The following SLC1A2 variants were observed in gnomAD, a reference collection of about 807,000 sequenced individuals.
The protein encoded by SLC1A2 is excitatory amino acid transporter 2.
SLC1A2 carries 15 observed loss-of-function variants against 48.8 expected under a neutral mutation model. The observed-to-expected ratio is 0.31, with a 90% CI of 0.21 to 0.47. The LOEUF is 0.47. SLC1A2 is among the 20% of genes least tolerant of loss of function. The pLI, the probability that SLC1A2 is intolerant of heterozygous loss-of-function variation, is 0.99. For synonymous variants in SLC1A2, 279 were observed against 272.6 expected (o/e 1.02, Z -0.23); for missense variants, 502 against 730.5 (o/e 0.69, Z 3.61).
chr11:35,406,092 A>G (rs749472912), intron 1 of SLC1A2, among the ~76,000 whole-genome samples: 18 of 152,212 alleles, frequency 1.2e-4, no homozygotes, highest in Non-Finnish European at 2.5e-4. Context: ...ACAAGAAAAC[A>G]CTTAGCACAC....
intron 6 of SLC1A2, chr11:35,299,138 G>C: frequency 6.6e-6 from 1 of 152,204 alleles, no homozygotes; most frequent in Non-Finnish European, 1.5e-5. Flanking sequence ...AGGAATTCAA[G>C]ACCAGCCTGG....
intron 1 of SLC1A2, among the ~76,000 whole-genome samples, chr11:35,415,214 C>A (rs1394833341): frequency 6.6e-6 from 1 of 152,172 alleles, no homozygotes; most frequent in African/African-American, 2.4e-5. Context: ...CACAAAACAC[C>A]TAATTGTGTT....
intron 1 of SLC1A2, among the ~76,000 whole-genome samples, chr11:35,381,120 C>T (rs1181929656): frequency 6.6e-6 from 1 of 152,088 alleles, no homozygotes; most frequent in Non-Finnish European, 1.5e-5. Flanking sequence ...TGTTTCTTTT[C>T]TCTTATTTTC....
In SLC1A2 at chr11:35,258,118, A is replaced by C. The variant is rs1223907887; in HGVS notation, c.*2776T>G. 6.6e-6 allele frequency: 1 copy of C among 152,252 alleles called. No homozygotes were observed. The allele number at this position is 152,252 out of a possible 1,614,324, so 9.4% of individuals were successfully genotyped here. A position where few individuals can be genotyped will look rare whatever the true frequency, so the allele number is the denominator to read the frequency against. On this transcript the variant is annotated 3_prime_UTR_variant, in exon 11 of 11. Coordinates refer to ENST00000278379, the MANE Select transcript of SLC1A2 (RefSeq NM_004171.4). ...AAATAAATGAGGCTTAAATAAAAAC[A>C]GAGGACATAGACATATGTCAACATG...
intron 1 of SLC1A2, among the ~76,000 whole-genome samples, chr11:35,348,418 T>C (rs1411173629): frequency 1.5e-5 from 2 of 135,550 alleles, no homozygotes; most frequent in Non-Finnish European, 3.2e-5. Flanking sequence ...CTCAATAGGG[T>C]GCTCGCATGT....
chr11:35,409,711 C>A (rs1023860411), intron 1 of SLC1A2, among the ~76,000 whole-genome samples: 2 of 152,070 alleles, frequency 1.3e-5, no homozygotes, highest in African/African-American at 4.8e-5. Flanking sequence ...GAGTTCAAGA[C>A]CAGCCTGGCC....
intron 1 of SLC1A2, among the ~76,000 whole-genome samples, chr11:35,377,942 C>T (rs1854296768): frequency 1.3e-5 from 2 of 152,344 alleles, no homozygotes; most frequent in Non-Finnish European, 1.5e-5. Flanking sequence ...ACCTATTTCA[C>T]TAACTGGCCA....
At chr11:35,346,216 T>C (rs182282928) in intron 1 of SLC1A2, among the ~76,000 whole-genome samples, 1 of 152,328 alleles carries the variant, frequency 6.6e-6, no homozygotes, top group African/African-American at 2.4e-5. Context: ...TAGACCCATG[T>C]TCTTAATGCA....
intron 1 of SLC1A2, among the ~76,000 whole-genome samples, chr11:35,398,445 G>C (rs1367026204): frequency 6.6e-6 from 1 of 152,174 alleles, no homozygotes; most frequent in Non-Finnish European, 1.5e-5. Context: ...TCACTCATAA[G>C]AGAGAGCTAA....
chr11:35,359,440 T>A (rs1355407268), intron 1 of SLC1A2, among the ~76,000 whole-genome samples: 1 of 152,242 alleles, frequency 6.6e-6, no homozygotes, highest in Non-Finnish European at 1.5e-5. Flanking sequence ...TTTAAAGTTT[T>A]CCTAGCCAGT....
intron 7 of SLC1A2, 38 bp from the exon 8 acceptor site, chr11:35,286,989 C>T (rs1438120431): frequency 1.3e-6 from 2 of 1,539,084 alleles, no homozygotes; most frequent in African/African-American, 1.4e-5. Flanking sequence ...GGGTTATGTC[C>T]ACTTTAGAGA....
At chr11:35,345,304 G>A (rs1228581532) in intron 1 of SLC1A2, among the ~76,000 whole-genome samples, 2 of 151,964 alleles carry the variant, frequency 1.3e-5, no homozygotes, top group African/African-American at 4.8e-5. Flanking sequence ...TGCAAACCCA[G>A]CCTTGTCTTC....
intron 1 of SLC1A2, among the ~76,000 whole-genome samples, chr11:35,379,834 A>C (rs1284462054): frequency 1.3e-5 from 2 of 152,242 alleles, no homozygotes; most frequent in Non-Finnish European, 2.9e-5. Context: ...TTACGTGGCG[A>C]ATCCCAACAG....
At chr11:35,416,637 AC>A (rs1237461739) in intron 1 of SLC1A2, among the ~76,000 whole-genome samples, 1 of 152,254 alleles carries the variant, frequency 6.6e-6, no homozygotes, top group East Asian at 1.9e-4. Flanking sequence ...TCTGGATCAA[AC>A]AAAGTTGAAC....
At position 35,419,130 on chromosome 11, in the gene SLC1A2, G is replaced by A; in HGVS notation, c.-164C>T. The A allele has an allele frequency of 3.8e-6, 2 of 523,012 alleles. No homozygotes were observed. Among genetic ancestry groups the A allele is most frequent in the Non-Finnish European group, 6.7e-6 (2 of 300,660 alleles). The allele number at this position is 523,012 out of a possible 1,614,324, so 32.4% of individuals were successfully genotyped here. On this transcript the variant is annotated 5_prime_UTR_variant, in exon 1 of 11. Coordinates refer to ENST00000278379, the MANE Select transcript of SLC1A2 (RefSeq NM_004171.4). This position sits in a 1 kb window ranked among gnomAD's most constrained non-coding sequence, Gnocchi z 5.4. ...GGGGTAAGCCCTTTAGCGCCTCAAC[G>A]GGCGCAGGAGGCTCCTGCGGGCGCT... is the stretch of plus-strand genomic sequence containing the variant.
In SLC1A2 at chr11:35,373,060, T is replaced by G. The variant is rs181939300; in HGVS notation, c.17+45890A>C. Among the ~76,000 whole-genome samples, 796 of 152,300 alleles carry G rather than the reference T, an allele frequency of 5.2e-3. 34 individuals carry two copies. Among genetic ancestry groups the G allele is most frequent in the Admixed American group, 0.051 (778 of 15,294 alleles). On this transcript the variant is annotated intron_variant, in intron 1 of 10. Transcript: ENST00000278379. ...CACAGCATGATCAGAGATTCAGGCC[T>G]ATGTACAACCCAGGGATCCACATTT...
chr11:35,320,150 T>C (rs1296203444), intron 1 of SLC1A2, among the ~76,000 whole-genome samples: 1 of 152,236 alleles, frequency 6.6e-6, no homozygotes, highest in African/African-American at 2.4e-5. Context: ...TCTAAGCCTA[T>C]ATACCTTTAG....
At chr11:35,317,292 G>C in intron 2 of SLC1A2, 85 bp downstream of exon 2, 1 of 1,452,624 alleles carries the variant, frequency 6.9e-7, no homozygotes, top group East Asian at 2.3e-5. Context: ...TGGTGGAAGG[G>C]CTGGCTGCTG....
At chr11:35,273,429 T>C (rs1360543738) in intron 9 of SLC1A2, among the ~76,000 whole-genome samples, 2 of 152,182 alleles carry the variant, frequency 1.3e-5, no homozygotes, top group African/African-American at 4.8e-5. Context: ...TTCTCATTCG[T>C]AACATATGGA....
Sources: allele counts gnomAD v4.1 joint callset (sites outside exome capture counted in the v4.1 genomes callset), GRCh38; gene constraint gnomAD v4.1.1; non-coding constraint Gnocchi (gnomAD v3.1); transcripts MANE v1.5; gene names NCBI Gene and HGNC (gene_info 2026-07-23, HGNC 2026-07-21).